The following SPON1 variants were observed in gnomAD, a reference collection of about 807,000 sequenced individuals.
SPON1 encodes spondin 1.
In SPON1, 52 loss-of-function variants were observed where a neutral mutation model predicts 111.7. The observed-to-expected ratio is 0.47, with a 90% confidence interval of 0.37 to 0.59. The LOEUF (loss-of-function observed/expected upper bound fraction) is 0.59. Ranked by LOEUF, SPON1 falls within the 20% of genes least tolerant of loss-of-function variation. The pLI is 0.00. For synonymous variants in SPON1, 410 were observed against 395.8 expected (o/e 1.04, Z -0.43); for missense variants, 957 against 1,068.5 (o/e 0.90, Z 1.46).
chr11:14,024,343 C>G (rs1282517957), intron 2 of SPON1, among the ~76,000 whole-genome samples: 1 of 152,106 alleles, frequency 6.6e-6, no homozygotes, highest in Non-Finnish European at 1.5e-5. Context: ...GAGTTCTTGC[C>G]CAGTGTACCA....
chr11:14,060,024 C>T (rs1848779409), intron 3 of SPON1, among the ~76,000 whole-genome samples: 3 of 152,112 alleles, frequency 2.0e-5, no homozygotes, highest in Admixed American at 6.5e-5. Context: ...AAATGGGAAT[C>T]AGGAGCAAAG....
intron 2 of SPON1, among the ~76,000 whole-genome samples, chr11:14,032,179 G>A (rs1848563970): frequency 6.6e-6 from 1 of 152,020 alleles, no homozygotes; most frequent in South Asian, 2.1e-4. Context: ...TTATAACATG[G>A]GAAGCATACT....
At chr11:14,148,522 T>G (rs1212587242) in intron 6 of SPON1, among the ~76,000 whole-genome samples, 1 of 152,180 alleles carries the variant, frequency 6.6e-6, no homozygotes, top group Non-Finnish European at 1.5e-5. Context: ...CTTAGGAACA[T>G]TTAAACGATG....
intron 4 of SPON1, among the ~76,000 whole-genome samples, chr11:14,078,080 G>A (rs1554921683): frequency 2.0e-5 from 3 of 152,120 alleles, no homozygotes; most frequent in Admixed American, 1.3e-4. Context: ...GTAAGTGGAC[G>A]ATTCTTATCA....
chr11:14,040,846 T>C (rs982151104), intron 2 of SPON1, among the ~76,000 whole-genome samples: 5 of 152,148 alleles, frequency 3.3e-5, no homozygotes, highest in African/African-American at 1.2e-4. Context: ...CTTTCAGGTC[T>C]AATATACTAT....
chr11:13,966,051 T>C (rs1449783473), intron 1 of SPON1, among the ~76,000 whole-genome samples: 2 of 152,226 alleles, frequency 1.3e-5, no homozygotes, highest in Non-Finnish European at 2.9e-5. Context: ...AATAAAATGG[T>C]CACTATTAAA....
chr11:14,012,583 T>C lies in SPON1; in HGVS notation c.346-28938T>C, dbSNP rs141533798. 8.5e-4 allele frequency among the ~76,000 whole-genome samples: 129 copies of C among 152,286 alleles called. 2 individuals are homozygous for C. The highest frequency in any genetic ancestry group is 3.0e-3 in the African/African-American group (123 of 41,570). On this transcript the variant is annotated intron_variant, in intron 2 of 15. Coordinates refer to ENST00000576479, the MANE Select transcript of SPON1 (RefSeq NM_006108.4). ...AGCCTTCTAAGTGTTAACCATTTTG[T>C]CCACCGATTTGGCAAAAACAGACTC... is the stretch of plus-strand genomic sequence containing the variant.
chr11:14,168,948 G>T (rs1196929276), intron 6 of SPON1, among the ~76,000 whole-genome samples: 2 of 152,076 alleles, frequency 1.3e-5, no homozygotes, highest in Non-Finnish European at 2.9e-5. Flanking sequence ...CGTTAACAGT[G>T]CCACAAAAAA....
At chr11:14,043,889 T>C (rs1554917588) in intron 3 of SPON1, among the ~76,000 whole-genome samples, 2 of 152,242 alleles carry the variant, frequency 1.3e-5, no homozygotes, top group Non-Finnish European at 2.9e-5. Context: ...GAGCTTCTAT[T>C]AGCCCAGGCA....
At chr11:14,030,274 G>A (rs552795563) in intron 2 of SPON1, among the ~76,000 whole-genome samples, 3 of 152,214 alleles carry the variant, frequency 2.0e-5, no homozygotes, top group East Asian at 3.8e-4. Context: ...GGGCGCCTAC[G>A]CATCTTGGCC....
intron 6 of SPON1, among the ~76,000 whole-genome samples, chr11:14,142,854 A>C (rs1461021533): frequency 6.6e-6 from 1 of 152,258 alleles, no homozygotes; most frequent in Admixed American, 6.5e-5. Context: ...TGTGCAGAGT[A>C]CAAAAACCCT....
intron 10 of SPON1, among the ~76,000 whole-genome samples, chr11:14,257,156 T>G (rs1255652957): frequency 6.6e-6 from 1 of 152,210 alleles, no homozygotes; most frequent in Non-Finnish European, 1.5e-5. Flanking sequence ...ACATGTGATC[T>G]TGGGCAAGAA....
intron 6 of SPON1, among the ~76,000 whole-genome samples, chr11:14,240,589 T>TTGTG (rs56265194): frequency 0.22 from 30,118 of 140,072 alleles, 3,352 homozygotes; most frequent in Admixed American, 0.3. Context: ...AGAAGCAATA[T>TTGTG]TGTGTGTGTG....
At chr11:14,099,999 C>G (rs1318153541) in intron 5 of SPON1, among the ~76,000 whole-genome samples, 1 of 152,170 alleles carries the variant, frequency 6.6e-6, no homozygotes, top group African/African-American at 2.4e-5. Flanking sequence ...GGGATCTCCC[C>G]ACCTGATCCG....
At chr11:14,222,649 T>A (rs1554937694) in intron 6 of SPON1, among the ~76,000 whole-genome samples, 1 of 152,202 alleles carries the variant, frequency 6.6e-6, no homozygotes, top group South Asian at 2.1e-4. Flanking sequence ...CATCTGTATG[T>A]ATACCATCAT....
intron 6 of SPON1, among the ~76,000 whole-genome samples, chr11:14,232,232 T>A (rs1447843607): frequency 6.6e-6 from 1 of 152,004 alleles, no homozygotes; most frequent in Admixed American, 6.6e-5. Context: ...CCGGCTATAT[T>A]TTCCCCGGAG....
At chr11:14,204,471 A>G (rs1848496129) in intron 6 of SPON1, among the ~76,000 whole-genome samples, 1 of 151,570 alleles carries the variant, frequency 6.6e-6, no homozygotes, top group African/African-American at 2.4e-5. Flanking sequence ...AATTTTTTGT[A>G]GGGACAAGGT....
chr11:14,055,052 C>G (rs1848734863), intron 3 of SPON1, among the ~76,000 whole-genome samples: 1 of 152,138 alleles, frequency 6.6e-6, no homozygotes, highest in Non-Finnish European at 1.5e-5. Flanking sequence ...CTTTCTTCAC[C>G]CTCATTTTTA....
At chr11:14,168,843 A>G (rs1185369310) in intron 6 of SPON1, among the ~76,000 whole-genome samples, 1 of 152,076 alleles carries the variant, frequency 6.6e-6, no homozygotes, top group Non-Finnish European at 1.5e-5. Flanking sequence ...ATCCTTTTTT[A>G]TGGCTGCATA....
Sources: allele counts gnomAD v4.1 joint callset (sites outside exome capture counted in the v4.1 genomes callset), GRCh38; gene constraint gnomAD v4.1.1; transcripts MANE v1.5; gene names NCBI Gene and HGNC (gene_info 2026-07-23, HGNC 2026-07-21).